Variants in TRPV3 observed in about 807,000 individuals in gnomAD.
The protein encoded by TRPV3 is VRL-3.
In TRPV3, 88 loss-of-function variants were observed where a neutral mutation model predicts 87.1. The ratio of observed to expected loss-of-function variants is 1.01; its 90% CI spans 0.85 to 1.21. TRPV3 has a LOEUF of 1.21. TRPV3 is among the 50% of genes most tolerant of loss of function. The pLI is 0.00. For missense variants in TRPV3, 1,054 were observed against 1,030.1 expected, an observed-to-expected ratio of 1.02 and a Z score of -0.32; for synonymous variants, 438 against 423.3, an observed-to-expected ratio of 1.03 and a Z score of -0.43.
In TRPV3 at chr17:3,542,677, G is replaced by A. The variant is rs374241773; in HGVS notation, c.488C>T (p.Thr163Met). 102 of 1,613,882 alleles carry A rather than the reference G, an allele frequency of 6.3e-5. No individual in the cohort carries two copies. The highest frequency in any genetic ancestry group is 5.0e-4 in the Middle Eastern group (3 of 6,060). The change falls in exon 6 of 18, where the codon ACG (threonine) becomes ATG (methionine). Residue 163 changes from threonine (T) to methionine (M), a missense_variant. By Grantham distance (81) the Thr-to-Met change is moderately conservative. Transcript: ENST00000576742. ...DVPDFLMHKL[T>M]ASDTGKTCLM... ...GCAGGTCTTCCCCGTGTCGGAGGCC[G>A]TCAGCTTGTGCATGAGGAAGTCTGC...
intron 6 of TRPV3, 122 bp downstream of exon 6, chr17:3,542,400 A>T: frequency 9.0e-7 from 1 of 1,112,338 alleles, no homozygotes; most frequent in Non-Finnish European, 1.3e-6. Context: ...GTACCATGCT[A>T]CATGCTTGGG....
Position 3,516,008 on chromosome 17 carries a change from G to A in TRPV3, c.2198+449C>T, listed in dbSNP as rs2074180066. Among the ~76,000 whole-genome samples the A allele has an allele frequency of 2.0e-5, 3 of 152,018 alleles. No homozygotes were observed. In the South Asian group the frequency reaches 6.2e-4, roughly 32 times the overall value. The stretch of plus-strand genomic sequence containing the variant: ...TTGAGACCAGCTTGACCAACATGGT[G>A]AAACTCTGCCTCTACTAAAAATACA... On this transcript the variant is annotated intron_variant, in intron 16 of 17. Coordinates refer to ENST00000576742, the MANE Select transcript of TRPV3 (RefSeq NM_145068.4).
chr17:3,521,167 C>A (rs1230428997), intron 13 of TRPV3, 128 bp from the exon 14 acceptor site: 3 of 469,606 alleles, frequency 6.4e-6, no homozygotes, highest in Non-Finnish European at 8.0e-6. Flanking sequence ...ACTCTCCCTT[C>A]CCCCAGCCAA....
At chr17:3,545,926 G>C (rs1355098714) in intron 2 of TRPV3, among the ~76,000 whole-genome samples, 1 of 150,942 alleles carries the variant, frequency 6.6e-6, no homozygotes, top group African/African-American at 2.4e-5. Flanking sequence ...GGAGGTGGAG[G>C]CTGCAGTGAG....
At chr17:3,535,348 C>A (rs1326856613) in intron 7 of TRPV3, among the ~76,000 whole-genome samples, 1 of 119,244 alleles carries the variant, frequency 8.4e-6, no homozygotes, top group Non-Finnish European at 1.8e-5. Flanking sequence ...TCCCTCCTCC[C>A]TTCCTTCCTC....
At position 3,545,147 on chromosome 17, in the gene TRPV3, G is replaced by A; in HGVS notation, c.224+20C>T. 6.3e-7 allele frequency: 1 copy of A among 1,590,150 alleles called. No homozygotes were observed. Among genetic ancestry groups the A allele is most frequent in the South Asian group, 1.1e-5 (1 of 89,694 alleles). ...AGGGCTGGGCCCAGGGCAAGGGGTTGGGCTGGGGCCCGTACTCACCACTGC... is the reference window on the plus strand; with the variant it reads ...AGGGCTGGGCCCAGGGCAAGGGGTTAGGCTGGGGCCCGTACTCACCACTGC... On this transcript the variant is annotated intron_variant, in intron 3 of 17. Transcript: ENST00000576742.
chr17:3,516,504 C>G lies in TRPV3; in HGVS notation c.2151G>C (p.Met717Ile). ...LPEWLRSRFR[M>I]GELCKVAEDD... ...CCTCGGCCACTTTGCACAGCTCTCC[C>G]ATCCGGAATCTGCTCCTCAGCCATT... Residue 717 changes from methionine (M) to isoleucine (I), a missense_variant, in exon 16 of 18, where the codon ATG (methionine) becomes ATC (isoleucine). By Grantham distance (10) the Met-to-Ile change is conservative. Transcript: ENST00000576742. 1.9e-6 allele frequency: 3 copies of G among 1,614,170 alleles called. No individual in the cohort carries two copies. The highest frequency in any genetic ancestry group is 2.5e-6 in the Non-Finnish European group (3 of 1,180,018).
chr17:3,543,175 C>T (rs2074485499), intron 5 of TRPV3, among the ~76,000 whole-genome samples: 1 of 152,086 alleles, frequency 6.6e-6, no homozygotes, highest in African/African-American at 2.4e-5. Flanking sequence ...TGCTACTGGC[C>T]GAGGAGCTGC....
intron 6 of TRPV3, among the ~76,000 whole-genome samples, chr17:3,538,832 G>A (rs1040892923): frequency 2.6e-5 from 4 of 152,206 alleles, no homozygotes; most frequent in Non-Finnish European, 5.9e-5. Flanking sequence ...TGATCCACCT[G>A]CCTTGGCCTC....
intron 6 of TRPV3, among the ~76,000 whole-genome samples, chr17:3,535,927 GCCC>G (rs1200188978): frequency 6.6e-6 from 1 of 152,246 alleles, no homozygotes; most frequent in Non-Finnish European, 1.5e-5. Context: ...CCGGGCTCCG[GCCC>G]CAGGCGCTGG....
At chr17:3,531,949 A>C (rs987007380) in intron 8 of TRPV3, among the ~76,000 whole-genome samples, 3 of 152,148 alleles carry the variant, frequency 2.0e-5, no homozygotes, top group South Asian at 2.1e-4. Flanking sequence ...ACCACCCCCC[A>C]GTGTCCTCTG....
In TRPV3 at chr17:3,554,718, C is replaced by T. The variant is rs767714341; in HGVS notation, c.119+14G>A. On this transcript the variant is annotated intron_variant, in intron 2 of 17. Coordinates refer to ENST00000576742, the MANE Select transcript of TRPV3 (RefSeq NM_145068.4). ...ACAGTGCCGCAGTCCGTGTCCCGAG[C>T]TCTCCAAACCCACCTCTTCTTTGTG... The T allele has an allele frequency of 3.2e-6, 5 of 1,580,040 alleles. No individual in the cohort carries two copies. In the South Asian group the frequency reaches 3.4e-5, roughly 11 times the overall value.
rs774464770 is a variant in TRPV3 at position 3,529,999 on chromosome 17, C to T, written c.1242+28G>A. 4.4e-6 allele frequency: 7 copies of T among 1,595,734 alleles called. No individual in the cohort carries two copies. The Admixed American group carries it at 1.2e-4, about 27-fold the overall frequency. The stretch of plus-strand genomic sequence containing the variant: ...CTGAGGTCCAGCCCTCTTCTCCCTG[C>T]CCTTCCCCGCCTGTGCAGGAGACCC... On this transcript the variant is annotated intron_variant, in intron 9 of 17. Transcript: ENST00000576742.
chr17:3,534,641 C>CA (rs1461107521), intron 7 of TRPV3, among the ~76,000 whole-genome samples: 1 of 131,012 alleles, frequency 7.6e-6, no homozygotes, highest in African/African-American at 2.7e-5. Flanking sequence ...TTATGCATTT[C>CA]AATTTTTTTT....
chr17:3,545,401 C>G, intron 2 of TRPV3, 130 bp from the exon 3 acceptor site: 2 of 608,706 alleles, frequency 3.3e-6, no homozygotes, highest in South Asian at 4.6e-5. Context: ...GCCCAAATGG[C>G]CTTGCCCAGC....
chr17:3,519,992 G>GGATA (rs2074232164), intron 14 of TRPV3, among the ~76,000 whole-genome samples: 1 of 135,968 alleles, frequency 7.4e-6, no homozygotes, highest in South Asian at 2.3e-4. Flanking sequence ...ATGGATGGAT[G>GGATA]GATGGATGGA....
chr17:3,519,688 G>C lies in TRPV3; in HGVS notation c.1811-838C>G, dbSNP rs578246118. Among the ~76,000 whole-genome samples the C allele has an allele frequency of 2.6e-3, 324 of 126,644 alleles. 3 individuals carry two copies. Among genetic ancestry groups the C allele is most frequent in the African/African-American group, 8.3e-3 (289 of 34,820 alleles). 83.1% of individuals were successfully genotyped at this position (126,644 alleles called of 152,430 possible). A position where few individuals can be genotyped will look rare whatever the true frequency, so the allele number is the denominator to read the frequency against. On this transcript the variant is annotated intron_variant, in intron 14 of 17. Coordinates refer to ENST00000576742, the MANE Select transcript of TRPV3 (RefSeq NM_145068.4). ...CTGATTGATCGATGGATGGATGGAT[G>C]ATTGGATGGATGGATAGATGGATGG...
chr17:3,552,183 C>CATTTT (rs546881510), intron 2 of TRPV3: 8 of 149,054 alleles, frequency 5.4e-5, no homozygotes, highest in African/African-American at 2.0e-4. Context: ...CCACGCCTGG[C>CATTTT]CTTTTCTTTT....
chr17:3,555,643 A>C (rs1196962288), intron 1 of TRPV3, among the ~76,000 whole-genome samples: 3 of 149,394 alleles, frequency 2.0e-5, no homozygotes, highest in African/African-American at 7.3e-5. Flanking sequence ...CTGAGCTCCG[A>C]GGGGTGTGGG....
Sources: allele counts gnomAD v4.1 joint callset (sites outside exome capture counted in the v4.1 genomes callset), GRCh38; gene constraint gnomAD v4.1.1; transcripts MANE v1.5; gene names NCBI Gene and HGNC (gene_info 2026-07-23, HGNC 2026-07-21).